Variants in RPIA observed in about 807,000 individuals in gnomAD.
RPIA encodes ribose 5-phosphate isomerase A.
Under a neutral mutation model 37.8 loss-of-function variants are expected in RPIA, and 29 were observed. The observed-to-expected ratio is 0.77, with a 90% CI of 0.57 to 1.05. The LOEUF is 1.05. RPIA is among the 50% of genes least tolerant of loss of function. RPIA has a pLI of 0.00. For missense variants in RPIA, 385 were observed against 413.6 expected, an observed-to-expected ratio of 0.93 and a Z score of 0.60; for synonymous variants, 167 against 157.0, an observed-to-expected ratio of 1.06 and a Z score of -0.48.
chr2:88,736,292 T>C (rs1371158813), intron 6 of RPIA, among the ~76,000 whole-genome samples: 1 of 152,238 alleles, frequency 6.6e-6, no homozygotes, highest in Admixed American at 6.5e-5. Flanking sequence ...CGAGCATAAA[T>C]ATTAAACACC....
intron 8 of RPIA, among the ~76,000 whole-genome samples, chr2:88,742,284 C>A (rs997636353): frequency 6.6e-5 from 10 of 152,146 alleles, no homozygotes; most frequent in African/African-American, 2.4e-4. Flanking sequence ...TCAGTTATCC[C>A]AGCACCATTT....
At chr2:88,726,890 C>T (rs904732088) in intron 3 of RPIA, among the ~76,000 whole-genome samples, 1 of 152,078 alleles carries the variant, frequency 6.6e-6, no homozygotes, top group African/African-American at 2.4e-5. Flanking sequence ...TTACAGGTAC[C>T]ATGATGCCTA....
intron 3 of RPIA, among the ~76,000 whole-genome samples, chr2:88,712,904 T>C (rs946268331): frequency 2.6e-5 from 4 of 151,818 alleles, no homozygotes; most frequent in African/African-American, 9.7e-5. Flanking sequence ...GTCTTGCTGT[T>C]GTCATCCAGG....
Position 88,750,044 on chromosome 2 carries a change from G to T in RPIA, c.902G>T (p.Gly301Val). Reference sequence around the variant, plus strand: ...AGAGTCTACTTTGGGATGCAGGATGGCTCAGTGAACATGAGGGAGAAGCCT... The same window carrying T: ...AGAGTCTACTTTGGGATGCAGGATGTCTCAGTGAACATGAGGGAGAAGCCT... ...AERVYFGMQD[G>V]SVNMREKPFC The change falls in exon 9 of 9, where the codon GGC (glycine) becomes GTC (valine). Residue 301 changes from glycine to valine, a missense_variant. By Grantham distance (109) the Gly-to-Val change is moderately radical. Around this residue, in one of 2 missense-constraint regions of RPIA, gnomAD observed 153 missense variants for 210.6 expected, o/e 0.73. Coordinates refer to ENST00000283646, the MANE Select transcript of RPIA (RefSeq NM_144563.3). The T allele has an allele frequency of 6.2e-7, 1 of 1,612,988 alleles. No homozygotes were observed.
chr2:88,719,740 T>G (rs537438959), intron 3 of RPIA, among the ~76,000 whole-genome samples: 1 of 152,282 alleles, frequency 6.6e-6, no homozygotes, highest in East Asian at 1.9e-4. Context: ...TTTTCCAAAA[T>G]GTATAAACAA....
chr2:88,703,398 C>T lies in RPIA; in HGVS notation c.402+3334C>T, dbSNP rs192978128. Reference sequence around the variant, plus strand: ...CTTCTGCCTGGGCATCCAGGTGTTTCCATACATCTTCTGAAATCTAGACAG... The same window carrying T: ...CTTCTGCCTGGGCATCCAGGTGTTTTCATACATCTTCTGAAATCTAGACAG... On this transcript the variant is annotated intron_variant, in intron 3 of 8. Coordinates refer to ENST00000283646, the MANE Select transcript of RPIA (RefSeq NM_144563.3). Among the ~76,000 whole-genome samples, 311 of 152,342 alleles carry T rather than the reference C, an allele frequency of 2.0e-3. 2 individuals carry two copies. The highest frequency in any genetic ancestry group is 7.3e-3 in the African/African-American group (303 of 41,582).
At chr2:88,727,586 G>T (rs1037095681) in intron 3 of RPIA, among the ~76,000 whole-genome samples, 6 of 152,136 alleles carry the variant, frequency 3.9e-5, no homozygotes, top group Admixed American at 2.6e-4. Context: ...GCCCCAGTGT[G>T]TATTGTTGCC....
At chr2:88,697,883 C>T (rs115172421) in intron 1 of RPIA, among the ~76,000 whole-genome samples, 1 of 152,192 alleles carries the variant, frequency 6.6e-6, no homozygotes, top group African/African-American at 2.4e-5. Context: ...TTTGGGAGAG[C>T]TCTAGATGGT....
chr2:88,734,262 G>A (rs929105190), intron 4 of RPIA, among the ~76,000 whole-genome samples: 1 of 152,034 alleles, frequency 6.6e-6, no homozygotes, highest in African/African-American at 2.4e-5. Flanking sequence ...GAGAACACGT[G>A]CTCTAAATAA....
chr2:88,741,588 C>G (rs898513379), intron 8 of RPIA, among the ~76,000 whole-genome samples: 2 of 152,116 alleles, frequency 1.3e-5, no homozygotes, highest in African/African-American at 4.8e-5. Context: ...GGGTAGATAC[C>G]CAGTAGTGGT....
intron 3 of RPIA, among the ~76,000 whole-genome samples, chr2:88,701,434 A>G (rs1487423353): frequency 1.3e-5 from 2 of 152,058 alleles, no homozygotes; most frequent in Non-Finnish European, 1.5e-5. Flanking sequence ...AAAGTTATAT[A>G]TGCACGTGGA....
chr2:88,735,746 T>C lies in RPIA; in HGVS notation c.596+9T>C. ...GTGATCGCTGATTTCAGGTACAGTT[T>C]CTGGTGTCTGAGCTGCCAACTGAGG... is the stretch of plus-strand genomic sequence containing the variant. On this transcript the variant is annotated intron_variant, in intron 6 of 8. Coordinates refer to ENST00000283646, the MANE Select transcript of RPIA (RefSeq NM_144563.3). The C allele has an allele frequency of 6.2e-7, 1 of 1,613,616 alleles. No individual in the cohort carries two copies. The highest frequency in any genetic ancestry group is 8.5e-7 in the Non-Finnish European group (1 of 1,179,632).
intron 3 of RPIA, 100 bp from the exon 4 acceptor site, chr2:88,729,178 C>G: frequency 7.9e-7 from 1 of 1,269,838 alleles, no homozygotes; most frequent in African/African-American, 1.5e-5. Context: ...TGGGAGAGAG[C>G]CTGGGTAGGA....
At chr2:88,736,039 C>A (rs768361444) in intron 6 of RPIA, among the ~76,000 whole-genome samples, 2 of 152,186 alleles carry the variant, frequency 1.3e-5, no homozygotes, top group Admixed American at 6.5e-5. Context: ...TGTGTCATGT[C>A]ACTCACTGGA....
chr2:88,713,099 A>AATATATATATAT (rs1553420187), intron 3 of RPIA, among the ~76,000 whole-genome samples: 6 of 45,582 alleles, frequency 1.3e-4, no homozygotes, highest in African/African-American at 4.9e-4. Flanking sequence ...TGGATGTCTG[A>AATATATATATAT]ATATATATAT....
chr2:88,737,157 A>G (rs1405807091), intron 7 of RPIA, among the ~76,000 whole-genome samples: 1 of 152,206 alleles, frequency 6.6e-6, no homozygotes, highest in Non-Finnish European at 1.5e-5. Flanking sequence ...AATACTCTCC[A>G]GATGGTCCAA....
chr2:88,746,934 TA>T (rs1353028869), intron 8 of RPIA, among the ~76,000 whole-genome samples: 2 of 152,078 alleles, frequency 1.3e-5, no homozygotes, highest in East Asian at 1.9e-4. Context: ...TGTAGTAGTA[TA>T]GGGGGGATAC....
At chr2:88,737,780 A>C (rs961464227) in intron 7 of RPIA, among the ~76,000 whole-genome samples, 197 bp from the exon 8 acceptor site, 15 of 146,118 alleles carry the variant, frequency 1.0e-4, no homozygotes, top group African/African-American at 1.8e-4. Context: ...CTCTCTCTCA[A>C]AAAAAAAAAA....
intron 8 of RPIA, among the ~76,000 whole-genome samples, chr2:88,749,605 G>A (rs1241814463): frequency 6.6e-6 from 1 of 152,204 alleles, no homozygotes; most frequent in Admixed American, 6.5e-5. Context: ...CTTGGCTGGA[G>A]TAGTCATGGA....
Sources: allele counts gnomAD v4.1 joint callset (sites outside exome capture counted in the v4.1 genomes callset), GRCh38; gene constraint gnomAD v4.1.1; regional missense constraint gnomAD v4.1.1; transcripts MANE v1.5; gene names NCBI Gene and HGNC (gene_info 2026-07-23, HGNC 2026-07-21).